Variants in SPTLC2 observed in about 807,000 individuals in gnomAD.
SPTLC2 encodes serine palmitoyltransferase long chain base subunit 2, also known as serine palmitoyltransferase 2.
In SPTLC2, 21 loss-of-function variants were observed where a neutral mutation model predicts 62.0. That is an observed-to-expected ratio of 0.34 (90% CI 0.24 to 0.49). The LOEUF (loss-of-function observed/expected upper bound fraction) is 0.49, where lower values mean the gene tolerates loss of function less well. Ranked by LOEUF, SPTLC2 falls within the 20% of genes least tolerant of loss-of-function variation. The pLI is 0.99. For missense variants in SPTLC2, 511 were observed against 713.0 expected (o/e 0.72, Z 3.23); for synonymous variants, 261 against 261.8 (o/e 1.00, Z 0.03).
chr14:77,532,780 T>C (rs1338683603), intron 9 of SPTLC2, among the ~76,000 whole-genome samples: 1 of 148,616 alleles, frequency 6.7e-6, no homozygotes, highest in Non-Finnish European at 1.5e-5. Flanking sequence ...CAAGACTCTG[T>C]CTCAAAAAAT....
At chr14:77,584,137 T>C (rs544532136) in intron 2 of SPTLC2, among the ~76,000 whole-genome samples, 51 of 152,224 alleles carry the variant, frequency 3.4e-4, no homozygotes, top group South Asian at 1.4e-3. Context: ...TAAATATCCT[T>C]TACTGGTTAA....
intron 5 of SPTLC2, among the ~76,000 whole-genome samples, chr14:77,567,586 G>A (rs1401009499): frequency 6.6e-6 from 1 of 152,184 alleles, no homozygotes; most frequent in Non-Finnish European, 1.5e-5. Flanking sequence ...GACGTGTAGT[G>A]ATGTCCCCCT....
intron 1 of SPTLC2, among the ~76,000 whole-genome samples, chr14:77,615,390 T>C (rs1041798269): frequency 6.6e-6 from 1 of 151,840 alleles, no homozygotes; most frequent in African/African-American, 2.4e-5. Context: ...ATCTGGGGAG[T>C]AGTTATGTTA....
chr14:77,537,923 A>T (rs1418763553), intron 9 of SPTLC2, among the ~76,000 whole-genome samples: 1 of 152,214 alleles, frequency 6.6e-6, no homozygotes, highest in Non-Finnish European at 1.5e-5. Context: ...CCTATCTTCC[A>T]TACAACATGT....
intron 1 of SPTLC2, among the ~76,000 whole-genome samples, chr14:77,598,582 C>T (rs2079860782): frequency 6.6e-6 from 1 of 152,180 alleles, no homozygotes; most frequent in Non-Finnish European, 1.5e-5. Context: ...TTCAAATTAA[C>T]CTTTGTTGGT....
intron 6 of SPTLC2, among the ~76,000 whole-genome samples, chr14:77,560,784 C>A (rs139955918): frequency 6.6e-6 from 1 of 151,968 alleles, no homozygotes; most frequent in South Asian, 2.1e-4. Context: ...CACATATTCT[C>A]ACTTGTAAGT....
chr14:77,552,197 T>A lies in SPTLC2; in HGVS notation c.1202A>T (p.His401Leu). Residue 401 changes from histidine (H) to leucine (L), a missense_variant, in exon 9 of 12, where the codon CAT becomes CTT. By Grantham distance (99) the His-to-Leu change is moderately conservative (BLOSUM62 -3). Transcript: ENST00000216484. ...CGTGGCATACACTGCACTATGAGAA[T>A]GTGTTCGCAGGTAGTCTATCAGCTC... ...KKELIDYLRT[H>L]SHSAVYATSL... 6.2e-7 allele frequency: 1 copy of A among 1,614,158 alleles called. No homozygotes were observed. Among genetic ancestry groups the A allele is most frequent in the Non-Finnish European group, 8.5e-7 (1 of 1,180,018 alleles).
chr14:77,516,910 G>T (rs918503089), intron 11 of SPTLC2, among the ~76,000 whole-genome samples: 1 of 152,210 alleles, frequency 6.6e-6, no homozygotes, highest in African/African-American at 2.4e-5. Context: ...CCATCAAATT[G>T]TTATAATTAA....
chr14:77,551,254 C>T (rs1256376752), intron 9 of SPTLC2, among the ~76,000 whole-genome samples: 7 of 151,612 alleles, frequency 4.6e-5, no homozygotes, highest in South Asian at 2.1e-4. Context: ...ATTAGCCGGG[C>T]GTGGTGGCGG....
intron 1 of SPTLC2, among the ~76,000 whole-genome samples, chr14:77,611,262 C>T (rs2079935284): frequency 2.0e-5 from 3 of 150,820 alleles, no homozygotes; most frequent in Admixed American, 2.0e-4. Flanking sequence ...AAGATCGCGC[C>T]ACTGCACTCC....
chr14:77,513,281 G>A (rs532920379), intron 11 of SPTLC2, among the ~76,000 whole-genome samples: 1 of 152,162 alleles, frequency 6.6e-6, no homozygotes, highest in South Asian at 2.1e-4. Context: ...CTCCCAAAGT[G>A]TTAGGATTAC....
At chr14:77,539,602 G>A (rs1327264132) in intron 9 of SPTLC2, among the ~76,000 whole-genome samples, 1 of 142,726 alleles carries the variant, frequency 7.0e-6, no homozygotes, top group Non-Finnish European at 1.5e-5. Context: ...TGATCCTCCT[G>A]CCACAGCCTC....
At chr14:77,556,517 A>T (rs1490306295) in intron 7 of SPTLC2, among the ~76,000 whole-genome samples, 1 of 152,208 alleles carries the variant, frequency 6.6e-6, no homozygotes, top group Admixed American at 6.5e-5. Flanking sequence ...AATACGTGTA[A>T]AAGCTGTAAA....
chr14:77,545,711 G>A lies in SPTLC2; in HGVS notation c.1303+6385C>T, dbSNP rs572594553. On this transcript the variant is annotated intron_variant, in intron 9 of 11. Coordinates refer to ENST00000216484, the MANE Select transcript of SPTLC2 (RefSeq NM_004863.4). ...AAGCCCTCAGACATAATTCTGGGGG[G>A]AGAAAAGCAATTCCAATTATGTGAA... Among the ~76,000 whole-genome samples the A allele has an allele frequency of 2.8e-3, 424 of 152,176 alleles. 2 individuals are homozygous for A. Among genetic ancestry groups the A allele is most frequent in the African/African-American group, 9.7e-3 (404 of 41,524 alleles).
At chr14:77,582,602 A>G (rs2079758170) in intron 2 of SPTLC2, among the ~76,000 whole-genome samples, 1 of 152,190 alleles carries the variant, frequency 6.6e-6, no homozygotes, top group African/African-American at 2.4e-5. Flanking sequence ...GCCTTGGGCT[A>G]AACAAAGAAA....
At chr14:77,603,249 T>C (rs1020602518) in intron 1 of SPTLC2, among the ~76,000 whole-genome samples, 4 of 152,232 alleles carry the variant, frequency 2.6e-5, no homozygotes, top group South Asian at 2.1e-4. Context: ...AGCTGGTGAA[T>C]GGTTTGGAAC....
At chr14:77,565,188 G>C (rs943657744) in intron 5 of SPTLC2, among the ~76,000 whole-genome samples, 5 of 136,030 alleles carry the variant, frequency 3.7e-5, no homozygotes, top group Admixed American at 8.3e-5. Flanking sequence ...GTTGCAATGA[G>C]CTGAGATGGC....
chr14:77,575,987 TGAA>T (rs1295296844), intron 4 of SPTLC2, among the ~76,000 whole-genome samples: 1 of 152,210 alleles, frequency 6.6e-6, no homozygotes, highest in Non-Finnish European at 1.5e-5. Context: ...AACATGCGAA[TGAA>T]GAAGGCTTCA....
chr14:77,535,191 T>G (rs1267057955), intron 9 of SPTLC2, among the ~76,000 whole-genome samples: 1 of 152,128 alleles, frequency 6.6e-6, no homozygotes, highest in Non-Finnish European at 1.5e-5. Context: ...CCTTCCAAAG[T>G]GCTAGGATTA....
Sources: gnomAD v4.1 joint callset for allele counts (sites outside exome capture counted in the v4.1 genomes callset) on GRCh38, gnomAD v4.1.1 for gene constraint, MANE v1.5 for transcripts, NCBI Gene and HGNC (gene_info 2026-07-23, HGNC 2026-07-21) for gene names.